PTPRD: variants seen among roughly 807,000 people sequenced by gnomAD.
PTPRD encodes protein tyrosine phosphatase receptor type D, also known as receptor-type tyrosine-protein phosphatase delta.
A neutral mutation model predicts 214.5 loss-of-function variants in PTPRD; 34 were observed. The observed-to-expected ratio is 0.16, with a 90% CI of 0.12 to 0.21. The LOEUF is 0.21. PTPRD is among the 10% of genes least tolerant of loss of function. The probability of loss-of-function intolerance (pLI) is 1.00; values close to 1 mark genes in which losing one functional copy is unlikely to be tolerated. For missense variants in PTPRD, 2,545 were observed against 2,398.7 expected, an observed-to-expected ratio of 1.06 and a Z score of -1.27; for synonymous variants, 1,128 against 845.7, an observed-to-expected ratio of 1.33 and a Z score of -5.79.
At chr9:10,455,958 C>T (rs2131042860) in intron 2 of PTPRD, among the ~76,000 whole-genome samples, 1 of 151,828 alleles carries the variant, frequency 6.6e-6, no homozygotes, top group African/African-American at 2.4e-5. Context: ...ATCCCTTGTT[C>T]TTCTATTTCT....
intron 2 of PTPRD, among the ~76,000 whole-genome samples, chr9:10,510,071 TC>T (rs1566625308): frequency 6.6e-6 from 1 of 152,116 alleles, no homozygotes; most frequent in Non-Finnish European, 1.5e-5. Flanking sequence ...TTTCAGAATT[TC>T]AACCAGTAAC....
chr9:9,834,416 C>A (rs1236274835), intron 5 of PTPRD, among the ~76,000 whole-genome samples: 1 of 152,076 alleles, frequency 6.6e-6, no homozygotes. Context: ...CTGAACTCCA[C>A]AAATTCACCA....
chr9:8,808,407 G>T, intron 11 of PTPRD, among the ~76,000 whole-genome samples: 2 of 148,510 alleles, frequency 1.3e-5, no homozygotes, highest in South Asian at 4.3e-4. Flanking sequence ...AAATGATTCT[G>T]ATGAAACACC....
chr9:10,543,835 A>G (rs559976126), intron 2 of PTPRD, among the ~76,000 whole-genome samples: 38 of 152,324 alleles, frequency 2.5e-4, no homozygotes, highest in Non-Finnish European at 4.0e-4. Flanking sequence ...ACAGAAACAT[A>G]AAATACAGAT....
chr9:10,118,665 A>C (rs2098750336), intron 3 of PTPRD, among the ~76,000 whole-genome samples: 1 of 151,548 alleles, frequency 6.6e-6, no homozygotes, highest in Non-Finnish European at 1.5e-5. Context: ...TAAAAATGTA[A>C]TATAATATAA....
intron 2 of PTPRD, among the ~76,000 whole-genome samples, chr9:10,590,612 A>G (rs2075194317): frequency 6.6e-6 from 1 of 151,958 alleles, no homozygotes; most frequent in Non-Finnish European, 1.5e-5. Flanking sequence ...ACACTATCTT[A>G]GATTCATTTT....
At chr9:9,703,722 C>A (rs975215805) in intron 7 of PTPRD, among the ~76,000 whole-genome samples, 3 of 151,782 alleles carry the variant, frequency 2.0e-5, no homozygotes, top group Non-Finnish European at 4.4e-5. Context: ...TATTTTTTTG[C>A]CAAGAATACA....
chr9:10,373,822 T>C lies in PTPRD; in HGVS notation c.-599-32805A>G, dbSNP rs184007320. On this transcript the variant is annotated intron_variant, in intron 2 of 45. Coordinates refer to ENST00000381196, the MANE Select transcript of PTPRD (RefSeq NM_002839.4). The stretch of plus-strand genomic sequence containing the variant: ...ATGTTTCAACATGTCAACAATTAGC[T>C]GGAGCTTAGCAGCTGCTGACTCCTG... Among the ~76,000 whole-genome samples, 5 of 152,234 alleles carry C rather than the reference T, an allele frequency of 3.3e-5. No homozygotes were observed. The East Asian group carries it at 9.7e-4, about 30-fold the overall frequency.
chr9:8,558,186 T>A (rs575813800), intron 14 of PTPRD, among the ~76,000 whole-genome samples: 1 of 152,334 alleles, frequency 6.6e-6, no homozygotes, highest in Non-Finnish European at 1.5e-5. Context: ...TTTAAATGAA[T>A]ACTCAAGGAT....
intron 4 of PTPRD, among the ~76,000 whole-genome samples, chr9:10,033,460 A>G (rs1181625387): frequency 6.6e-6 from 1 of 152,030 alleles, no homozygotes; most frequent in African/African-American, 2.4e-5. Context: ...CACAACTTTA[A>G]AATTAAAAAT....
chr9:10,045,017 G>C (rs1589623679), intron 3 of PTPRD, among the ~76,000 whole-genome samples: 1 of 151,624 alleles, frequency 6.6e-6, no homozygotes, highest in Admixed American at 6.6e-5. Flanking sequence ...GTTCCAGATG[G>C]TATGCATAGT....
At chr9:9,423,480 A>T (rs191269793) in intron 8 of PTPRD, among the ~76,000 whole-genome samples, 1 of 152,294 alleles carries the variant, frequency 6.6e-6, no homozygotes, top group East Asian at 1.9e-4. Flanking sequence ...CTACCCAGTT[A>T]ATGATATTTT....
At position 9,582,800 on chromosome 9, in the gene PTPRD, T is replaced by C. The variant is rs558713084; in HGVS notation, c.-286-8019A>G. ...GAACCTGCTATAATGTATTAACGTG[T>C]TAGTATATATTAGGATGAATAAAAT... On this transcript the variant is annotated intron_variant, in intron 7 of 45. Coordinates refer to ENST00000381196, the MANE Select transcript of PTPRD (RefSeq NM_002839.4). 2.6e-5 allele frequency among the ~76,000 whole-genome samples: 4 copies of C among 152,174 alleles called. No homozygotes were observed. In the South Asian group the frequency reaches 8.3e-4, roughly 31 times the overall value.
At chr9:8,527,863 C>A (rs1446417557) in intron 15 of PTPRD, among the ~76,000 whole-genome samples, 2 of 152,114 alleles carry the variant, frequency 1.3e-5, no homozygotes, top group Admixed American at 6.6e-5. Context: ...TAGATCCAGT[C>A]ACTGGAGGGT....
chr9:8,926,430 T>A (rs1422352283), intron 11 of PTPRD, among the ~76,000 whole-genome samples: 1 of 152,188 alleles, frequency 6.6e-6, no homozygotes, highest in Admixed American at 6.6e-5. Flanking sequence ...GTAAATTTTA[T>A]CTCGTAGAGT....
At chr9:9,253,070 C>A (rs2099976139) in intron 9 of PTPRD, among the ~76,000 whole-genome samples, 1 of 152,044 alleles carries the variant, frequency 6.6e-6, no homozygotes, top group Non-Finnish European at 1.5e-5. Flanking sequence ...TAAAAAGGAA[C>A]TATTTTGAGA....
intron 8 of PTPRD, among the ~76,000 whole-genome samples, chr9:9,474,456 T>C (rs1020674766): frequency 6.6e-5 from 10 of 152,074 alleles, no homozygotes; most frequent in African/African-American, 2.4e-4. Flanking sequence ...TATTTTAGAA[T>C]TTTTAAAAAA....
chr9:10,429,961 C>A (rs1427602974), intron 2 of PTPRD, among the ~76,000 whole-genome samples: 1 of 151,832 alleles, frequency 6.6e-6, no homozygotes, highest in Non-Finnish European at 1.5e-5. Context: ...ACCAAGATGA[C>A]CCTATTCCCT....
At chr9:9,895,270 GA>G (rs2074628658) in intron 5 of PTPRD, among the ~76,000 whole-genome samples, 2 of 149,192 alleles carry the variant, frequency 1.3e-5, no homozygotes, top group African/African-American at 5.1e-5. Context: ...AAAAGGAACA[GA>G]AAATAAAATA....
Sources: gnomAD v4.1 joint callset for allele counts (sites outside exome capture counted in the v4.1 genomes callset) on GRCh38, gnomAD v4.1.1 for gene constraint, MANE v1.5 for transcripts, NCBI Gene and HGNC (gene_info 2026-07-23, HGNC 2026-07-21) for gene names.